DRAM2: variants seen among roughly 807,000 people sequenced by gnomAD.
DRAM2 encodes DNA damage-regulated autophagy modulator protein 2.
Under a neutral mutation model 33.5 loss-of-function variants are expected in DRAM2, and 26 were observed. The ratio of observed to expected loss-of-function variants is 0.78; its 90% CI spans 0.57 to 1.08. The LOEUF is 1.08. Among genes scored for constraint, DRAM2 ranks in the 50% least tolerant of loss-of-function variants. DRAM2 has a pLI of 0.00. For missense variants in DRAM2, 311 were observed against 318.1 expected, an observed-to-expected ratio of 0.98 and a Z score of 0.17; for synonymous variants, 98 against 109.5, an observed-to-expected ratio of 0.89 and a Z score of 0.66.
chr1:111,122,594 G>A (rs1490147342), intron 6 of DRAM2: 1 of 151,900 alleles, frequency 6.6e-6, no homozygotes, highest in Non-Finnish European at 1.5e-5. Flanking sequence ...GGGGGAAGTG[G>A]AGGAGGAAGC....
Position 111,139,492 on chromosome 1 carries a change from A to G in DRAM2, c.-79+9T>C, listed in dbSNP as rs934659355. On this transcript the variant is annotated intron_variant, in intron 2 of 9. Coordinates refer to ENST00000484310, the MANE Select transcript of DRAM2 (RefSeq NM_001349884.2). ...TCCAGCCACCAAAGTATCTGAACCC[A>G]GAACTCACAACAGGAACGTGTACTC... is the stretch of plus-strand genomic sequence containing the variant. 3.3e-5 allele frequency: 5 copies of G among 152,322 alleles called. No homozygotes were observed. Among genetic ancestry groups the G allele is most frequent in the African/African-American group, 9.6e-5 (4 of 41,458 alleles). The allele number at this position is 152,322 out of a possible 1,614,324, so 9.4% of individuals were successfully genotyped here.
chr1:111,136,434 G>A (rs564617547), intron 3 of DRAM2, among the ~76,000 whole-genome samples: 11 of 151,976 alleles, frequency 7.2e-5, no homozygotes, highest in Admixed American at 2.6e-4. Flanking sequence ...GCATGGTGGC[G>A]TGCGCCTGTA....
Position 111,126,258 on chromosome 1 carries a change from A to T in DRAM2, c.168T>A (p.Phe56Leu). The change falls in exon 5 of 10, where the codon TTT becomes TTA. Residue 56 changes from phenylalanine to leucine, a missense_variant. Physicochemically the swap from Phe to Leu is conservative, Grantham distance 22 (BLOSUM62 0). Transcript: ENST00000484310. Reference sequence around the variant, plus strand: ...CTGCCGCAATATTTAGCATTGCCCCAAATAAGCATTTTTCTGGAGCTACTG... The same window carrying T: ...CTGCCGCAATATTTAGCATTGCCCCTAATAAGCATTTTTCTGGAGCTACTG... ...TGTVAPEKCL[F>L]GAMLNIAAVL... is the part of the protein sequence containing the mutation. 1.2e-6 allele frequency: 2 copies of T among 1,611,354 alleles called. No individual in the cohort carries two copies. The highest frequency in any genetic ancestry group is 4.5e-5 in the East Asian group (2 of 44,738).
intron 3 of DRAM2, among the ~76,000 whole-genome samples, chr1:111,134,005 C>A (rs1652655900): frequency 6.6e-6 from 1 of 152,192 alleles, no homozygotes; most frequent in Non-Finnish European, 1.5e-5. Flanking sequence ...TCTGTGAGAA[C>A]AGGAAACAAC....
In DRAM2 at chr1:111,120,381, CAAAAAAAAAAAAAAAAA is replaced by C. The variant is rs200318036; in HGVS notation, c.517+118_517+134del. The C allele has an allele frequency of 1.6e-3, 283 of 173,110 alleles. 1 individual carries two copies. Among genetic ancestry groups the C allele is most frequent in the East Asian group, 4.3e-3 (37 of 8,618 alleles). 10.7% of individuals were successfully genotyped at this position (173,110 alleles called of 1,614,324 possible). A position where few individuals can be genotyped will look rare whatever the true frequency, so the allele number is the denominator to read the frequency against. ...ATTGTGAACCTAAGAATCTCTCCTACAAAAAAAAAAAAAAAAAAAAAAAAAAAAAAAAAAAAAAGACA... is the reference window on the plus strand; with the variant it reads ...ATTGTGAACCTAAGAATCTCTCCTACAAAAAAAAAAAAAAAAAAAAAGACA... On this transcript the variant is annotated intron_variant, in intron 7 of 9. Transcript: ENST00000484310.
At chr1:111,133,771 A>G (rs1652612082) in intron 3 of DRAM2, among the ~76,000 whole-genome samples, 1 of 152,354 alleles carries the variant, frequency 6.6e-6, no homozygotes, top group East Asian at 1.9e-4. Context: ...CATATTTCTT[A>G]TAGATCTTCA....
chr1:111,139,857 T>A (rs1330539181), intron 1 of DRAM2, 181 bp downstream of exon 1: 2 of 149,104 alleles, frequency 1.3e-5, no homozygotes, highest in Non-Finnish European at 3.0e-5. Context: ...GCGCCTGGCA[T>A]AAGGTAGCCC....
chr1:111,126,845 G>C (rs1651115936), intron 4 of DRAM2, among the ~76,000 whole-genome samples: 3 of 152,116 alleles, frequency 2.0e-5, no homozygotes, highest in African/African-American at 4.8e-5. Context: ...AGACAGTTTT[G>C]AGTCTCTTCC....
chr1:111,136,476 A>G (rs760844320), intron 3 of DRAM2, among the ~76,000 whole-genome samples: 2 of 151,862 alleles, frequency 1.3e-5, no homozygotes, highest in Admixed American at 6.6e-5. Context: ...GAAGTAGGAG[A>G]ATGGAGGCTG....
At chr1:111,138,456 G>A (rs1376408769) in intron 2 of DRAM2, among the ~76,000 whole-genome samples, 1 of 152,174 alleles carries the variant, frequency 6.6e-6, no homozygotes, top group Non-Finnish European at 1.5e-5. Context: ...GAGTATGCAG[G>A]AATAAATTTC....
rs1453171624 is a variant in DRAM2 at position 111,117,865 on chromosome 1, G to A, written c.*295C>T. The A allele has an allele frequency of 5.6e-6, 2 of 354,072 alleles. No homozygotes were observed. Among genetic ancestry groups the A allele is most frequent in the Non-Finnish European group, 1.1e-5 (2 of 189,784 alleles). The allele number at this position is 354,072 out of a possible 1,614,324, so 21.9% of individuals were successfully genotyped here. ...GGGATGTGCAGACTGATTGGTGCAC[G>A]TCAGGTTGTTTCTCTTAAATAAGGT... On this transcript the variant is annotated 3_prime_UTR_variant, in exon 10 of 10. Coordinates refer to ENST00000484310, the MANE Select transcript of DRAM2 (RefSeq NM_001349884.2).
chr1:111,126,657 A>G (rs990992907), intron 4 of DRAM2, among the ~76,000 whole-genome samples: 3 of 151,680 alleles, frequency 2.0e-5, no homozygotes, highest in African/African-American at 7.3e-5. Flanking sequence ...GCTTTTCACA[A>G]CTGCCTTTTT....
chr1:111,118,781 A>C, intron 9 of DRAM2, 24 bp downstream of exon 9: 1 of 1,561,988 alleles, frequency 6.4e-7, no homozygotes, highest in Non-Finnish European at 8.8e-7. Flanking sequence ...CTGACTGAAT[A>C]AATCTAATAT....
chr1:111,139,379 A>T (rs1654012743), intron 2 of DRAM2, 122 bp downstream of exon 2: 1 of 152,184 alleles, frequency 6.6e-6, no homozygotes, highest in Non-Finnish European at 1.5e-5. Flanking sequence ...ACCCGCTGCG[A>T]TAGAATTGAG....
Position 111,118,163 on chromosome 1 carries a change from A to T in DRAM2, c.798T>A (p.Ile266=). The change falls in exon 10 of 10, where the codon ATT becomes ATA. Residue 266 remains isoleucine, a synonymous_variant. Coordinates refer to ENST00000484310, the MANE Select transcript of DRAM2 (RefSeq NM_001349884.2). ...NERTRLLSRD[I] ...ACAGAAATATTTTATCCTTTCATCA[A>T]ATATCTCTGGAAAGTAGCCGTGTTC... The T allele has an allele frequency of 6.2e-7, 1 of 1,611,074 alleles. No individual in the cohort carries two copies. The highest frequency in any genetic ancestry group is 2.2e-5 in the East Asian group (1 of 44,814).
Position 111,120,546 on chromosome 1 carries a change from CCAA to C in DRAM2, c.484_486del (p.Leu162del). 1 of 1,610,676 alleles carries C rather than the reference CCAA, an allele frequency of 6.2e-7. No homozygotes were observed. Among genetic ancestry groups the C allele is most frequent in the South Asian group, 1.1e-5 (1 of 90,702 alleles). Reference sequence around the variant, plus strand: ...AGTGCACTTACTCCACACCAGATAACCAACAACAGTCTGATCCAGAAGACTTGT... The same window carrying C: ...AGTGCACTTACTCCACACCAGATAACCAACAGTCTGATCCAGAAGACTTGT... On this transcript the variant is annotated inframe_deletion, in exon 7 of 10. Coordinates refer to ENST00000484310, the MANE Select transcript of DRAM2 (RefSeq NM_001349884.2).
intron 3 of DRAM2, 132 bp from the exon 4 acceptor site, chr1:111,131,700 A>G: frequency 2.6e-6 from 2 of 764,140 alleles, no homozygotes; most frequent in Non-Finnish European, 4.1e-6. Flanking sequence ...CTCATGCCAT[A>G]CCCCAATACT....
Position 111,118,086 on chromosome 1 carries a change from G to C in DRAM2, c.*74C>G. ...TTAAGTGGTTGAAAATTTCAGAGAA[G>C]AATAAGCAACTTCTGTGAACCTTTC... is the stretch of plus-strand genomic sequence containing the variant. On this transcript the variant is annotated 3_prime_UTR_variant, in exon 10 of 10. Transcript: ENST00000484310. 1 of 1,425,238 alleles carries C rather than the reference G, an allele frequency of 7.0e-7. No individual in the cohort carries two copies. Among genetic ancestry groups the C allele is most frequent in the Admixed American group, 1.7e-5 (1 of 59,218 alleles). 88.3% of individuals were successfully genotyped at this position (1,425,238 alleles called of 1,614,324 possible). A position where few individuals can be genotyped will look rare whatever the true frequency, so the allele number is the denominator to read the frequency against.
intron 3 of DRAM2, among the ~76,000 whole-genome samples, chr1:111,133,200 C>CAA (rs1447909583): frequency 7.4e-6 from 1 of 135,080 alleles, no homozygotes; most frequent in Admixed American, 7.9e-5. Flanking sequence ...TTTTTTGAGA[C>CAA]AGAGTGTCAC....
Sources: allele counts gnomAD v4.1 joint callset (sites outside exome capture counted in the v4.1 genomes callset), GRCh38; gene constraint gnomAD v4.1.1; transcripts MANE v1.5; gene names NCBI Gene and HGNC (gene_info 2026-07-23, HGNC 2026-07-21).